LRCH4: variants seen among roughly 807,000 people sequenced by gnomAD.
LRCH4 encodes leucine rich repeats and calponin homology domain containing 4, also known as leucine-rich repeat and calponin homology domain-containing protein 4.
In LRCH4, 56 loss-of-function variants were observed where a neutral mutation model predicts 81.2. The observed-to-expected ratio is 0.69, with a 90% CI of 0.56 to 0.86. LRCH4 has a LOEUF of 0.86. Among genes scored for constraint, LRCH4 ranks in the 40% least tolerant of loss-of-function variants. The probability of loss-of-function intolerance (pLI) is 0.00; values close to 1 mark genes in which losing one functional copy is unlikely to be tolerated. For missense variants in LRCH4, 895 were observed against 922.8 expected (o/e 0.97, Z 0.39); for synonymous variants, 442 against 409.7 (o/e 1.08, Z -0.95).
rs1801387911 is a variant in LRCH4, at chr7:100,577,080, A to G, written c.1364+6T>C. 3 of 1,614,034 alleles carry G rather than the reference A, an allele frequency of 1.9e-6. No homozygotes were observed. The East Asian group carries it at 6.7e-5, about 36-fold the overall frequency. On this transcript the variant is annotated splice_donor_region_variant and intron_variant, in intron 12 of 17. Coordinates refer to ENST00000310300, the MANE Select transcript of LRCH4 (RefSeq NM_002319.5). This position sits in a 1 kb window ranked among gnomAD's most constrained non-coding sequence, Gnocchi z 6.7. ...AGTGGGGAGGGGATGCTGGCAGGAA[A>G]CCTACTTGTGCATGGCTTGAGTGGA...
In LRCH4 at chr7:100,582,521, T is replaced by TCCCC. The variant is rs368691571; in HGVS notation, c.221-66_221-63dup. On this transcript the variant is annotated intron_variant, in intron 1 of 17. Transcript: ENST00000310300. The surrounding 1 kb of genome is among the most constrained non-coding windows in gnomAD (Gnocchi z 5.0). ...GGCCCAGCCCGGACAGGACCTTCAG[T>TCCCC]CCCCCCAGAGCCGGCTGCCCACTCC... is the stretch of plus-strand genomic sequence containing the variant. 154 of 1,545,738 alleles carry TCCCC rather than the reference T, an allele frequency of 1.0e-4. No homozygotes were observed. The African/African-American group carries it at 1.9e-3, about 20-fold the overall frequency.
At position 100,578,285 on chromosome 7, in the gene LRCH4, A is replaced by G; in HGVS notation, c.849-27T>C. The G allele has an allele frequency of 6.2e-7, 1 of 1,605,218 alleles. No individual in the cohort carries two copies. The highest frequency in any genetic ancestry group is 8.5e-7 in the Non-Finnish European group (1 of 1,171,868). ...TGGGGCCAGCCAGGCGGATCTGGTC[A>G]GCCTGATGCTGGACAACAGCCCCCC... is the stretch of plus-strand genomic sequence containing the variant. On this transcript the variant is annotated intron_variant, in intron 6 of 17. Transcript: ENST00000310300. This position sits in a 1 kb window ranked among gnomAD's most constrained non-coding sequence, Gnocchi z 5.7.
chr7:100,581,590 A>C lies in LRCH4; in HGVS notation c.598+187T>G. ...CACAAGGAGCCGGCAGTCTGCAGCC[A>C]GGAAAAGCACCCTGCCAGAAGCTGA... On this transcript the variant is annotated intron_variant, in intron 4 of 17. Transcript: ENST00000310300. The C allele has an allele frequency of 5.3e-6, 3 of 566,280 alleles. No homozygotes were observed. The South Asian group carries it at 6.6e-5, about 13-fold the overall frequency. 35.1% of individuals were successfully genotyped at this position (566,280 alleles called of 1,614,324 possible).
In LRCH4 at chr7:100,577,564, G is replaced by T. The variant is rs771868862; in HGVS notation, c.1117-6C>A. ...AATTCGGGTGGTCGCTGCTCCTAAGGAGAGAACAGCAGAGCAGCTGAGGGC... is the reference window on the plus strand; with the variant it reads ...AATTCGGGTGGTCGCTGCTCCTAAGTAGAGAACAGCAGAGCAGCTGAGGGC... On this transcript the variant is annotated splice_region_variant and splice_polypyrimidine_tract_variant and intron_variant, in intron 9 of 17. Transcript: ENST00000310300. The surrounding 1 kb of genome is among the most constrained non-coding windows in gnomAD (Gnocchi z 6.7). 1.2e-6 allele frequency: 2 copies of T among 1,611,102 alleles called. No individual in the cohort carries two copies. Among genetic ancestry groups the T allele is most frequent in the Admixed American group, 3.3e-5 (2 of 60,014 alleles).
At position 100,578,106 on chromosome 7, in the gene LRCH4, G is replaced by A. The variant is rs763214992; in HGVS notation, c.948+53C>T. On this transcript the variant is annotated intron_variant, in intron 7 of 17. Transcript: ENST00000310300. This position sits in a 1 kb window ranked among gnomAD's most constrained non-coding sequence, Gnocchi z 5.7. Reference sequence around the variant, plus strand: ...GCAATTTGGAGGTCCCCAGTTCAGAGGTGCTCTCCCAGGGCTGACACCCTC... The same window carrying A: ...GCAATTTGGAGGTCCCCAGTTCAGAAGTGCTCTCCCAGGGCTGACACCCTC... 3 of 1,565,304 alleles carry A rather than the reference G, an allele frequency of 1.9e-6. No homozygotes were observed.
At chr7:100,584,279 A>G (rs1164548372) in intron 1 of LRCH4, 1 of 455,594 alleles carries the variant, frequency 2.2e-6, no homozygotes, top group Non-Finnish European at 4.4e-6. Flanking sequence ...AGAATTCTGG[A>G]CAAGAGGGAC....
intron 14 of LRCH4, 116 bp from the exon 15 acceptor site, chr7:100,576,439 T>C: frequency 4.0e-6 from 3 of 743,128 alleles, no homozygotes; most frequent in Non-Finnish European, 6.8e-6. Flanking sequence ...GATTTTTTTT[T>C]ATTTCATGGA....
In LRCH4 at chr7:100,575,937, C is replaced by T. The variant is rs776035296; in HGVS notation, c.1710G>A (p.Leu570=). 1.9e-6 allele frequency: 3 copies of T among 1,611,296 alleles called. No homozygotes were observed. Among genetic ancestry groups the T allele is most frequent in the South Asian group, 1.1e-5 (1 of 90,892 alleles). Residue 570 remains leucine, a synonymous_variant, in exon 16 of 18, where the codon CTG becomes CTA. Coordinates refer to ENST00000310300, the MANE Select transcript of LRCH4 (RefSeq NM_002319.5). This position sits in a 1 kb window ranked among gnomAD's most constrained non-coding sequence, Gnocchi z 5.3. ...LAEALASGVI[L]CQLANQLRPR... ...GCCGTAGCTGGTTGGCCAGCTGGCACAGGATGACCCCACTGGCCAGAGCCT... is the reference window on the plus strand; with the variant it reads ...GCCGTAGCTGGTTGGCCAGCTGGCATAGGATGACCCCACTGGCCAGAGCCT...
Position 100,582,061 on chromosome 7 carries a change from G to C in LRCH4, c.472C>G (p.Leu158Val), listed in dbSNP as rs1801576371. Residue 158 changes from leucine (L) to valine (V), a missense_variant, in exon 3 of 18, where the codon CTG becomes GTG. Leu to Val is a conservative substitution (Grantham distance 32). Coordinates refer to ENST00000310300, the MANE Select transcript of LRCH4 (RefSeq NM_002319.5). This position sits in a 1 kb window ranked among gnomAD's most constrained non-coding sequence, Gnocchi z 5.0. Reference sequence around the variant, plus strand: ...CTCACAAGCTGTCGCAGGCTTCCCAGGGTGCCGATGTCAGGGGGCAGGGCT... The same window carrying C: ...CTCACAAGCTGTCGCAGGCTTCCCACGGTGCCGATGTCAGGGGGCAGGGCT... ...LGALPPDIGT[L>V]GSLRQLDVSS... The C allele has an allele frequency of 1.2e-6, 2 of 1,610,584 alleles. No individual in the cohort carries two copies. Among genetic ancestry groups the C allele is most frequent in the Non-Finnish European group, 8.5e-7 (1 of 1,179,156 alleles).
rs143854306 is a variant in LRCH4 at position 100,584,310 on chromosome 7, G to C, written c.220+1571C>G. ...GGGACCCCACTTGGCCTAGAACCTG[G>C]GCCCTGTGTAGAGAGTGGGGCAGAG... On this transcript the variant is annotated intron_variant, in intron 1 of 17. Coordinates refer to ENST00000310300, the MANE Select transcript of LRCH4 (RefSeq NM_002319.5). 2.2e-3 allele frequency: 988 copies of C among 449,904 alleles called. 8 individuals are homozygous for C. The highest frequency in any genetic ancestry group is 0.018 in the African/African-American group (905 of 50,010). 27.9% of individuals were successfully genotyped at this position (449,904 alleles called of 1,614,324 possible). A position where few individuals can be genotyped will look rare whatever the true frequency, so the allele number is the denominator to read the frequency against.
At position 100,576,693 on chromosome 7, in the gene LRCH4, C is replaced by G; in HGVS notation, c.1552+1G>C. The G allele has an allele frequency of 6.3e-7, 1 of 1,585,626 alleles. No homozygotes were observed. Among genetic ancestry groups the G allele is most frequent in the Non-Finnish European group, 8.6e-7 (1 of 1,165,862 alleles). Reference sequence around the variant, plus strand: ...AGCACTGGGGAGGGCAGGACACCCACCTGAGCCACTCTGAGAGGAGGAACG... The same window carrying G: ...AGCACTGGGGAGGGCAGGACACCCAGCTGAGCCACTCTGAGAGGAGGAACG... On this transcript the variant is annotated splice_donor_variant, in intron 14 of 17. Coordinates refer to ENST00000310300, the MANE Select transcript of LRCH4 (RefSeq NM_002319.5). LOFTEE classifies it high-confidence loss of function.
Position 100,585,918 on chromosome 7 carries a change from C to A in LRCH4, c.183G>T (p.Ala61=). The change falls in exon 1 of 18, where the codon GCG becomes GCT. Residue 61 remains alanine, a synonymous_variant. Transcript: ENST00000310300. ...NRRLKHFPRG[A]ARSYDLSDIT... ...TGTCTGACAGGTCGTAGCTACGGGC[C>A]GCGCCCCGGGGGAAGTGCTTCAAGC... The A allele has an allele frequency of 6.2e-7, 1 of 1,611,508 alleles. No homozygotes were observed. The highest frequency in any genetic ancestry group is 8.5e-7 in the Non-Finnish European group (1 of 1,178,740).
At position 100,578,739 on chromosome 7, in the gene LRCH4, C is replaced by T. The variant is rs52833865; in HGVS notation, c.646G>A (p.Val216Ile). Residue 216 changes from valine to isoleucine, a missense_variant, in exon 5 of 18, where the codon GTC becomes ATC. Physicochemically the swap from Val to Ile is conservative, Grantham distance 29. Coordinates refer to ENST00000310300, the MANE Select transcript of LRCH4 (RefSeq NM_002319.5). The surrounding 1 kb of genome is among the most constrained non-coding windows in gnomAD (Gnocchi z 5.7). The stretch of plus-strand genomic sequence containing the variant: ...CAGAAGGAGACTGGGATTCGGGAGA[C>T]GCGGTTACAGGAGAAATCCAGGCGG... ...LVRLDFSCNR[V>I]SRIPVSFCRL... 8.0e-3 allele frequency: 12,899 copies of T among 1,614,010 alleles called. 78 individuals carry two copies. Among genetic ancestry groups the T allele is most frequent in the Middle Eastern group, 0.019 (111 of 5,988 alleles).
chr7:100,575,552 G>A lies in LRCH4; in HGVS notation c.1854+153C>T, dbSNP rs754528095. ...AGGACAGGTGACATGCAGGGCAGGGGGCATGCAGGGCAGGGGGCATGCTGG... is the reference window on the plus strand; with the variant it reads ...AGGACAGGTGACATGCAGGGCAGGGAGCATGCAGGGCAGGGGGCATGCTGG... On this transcript the variant is annotated intron_variant, in intron 17 of 17. Transcript: ENST00000310300. The surrounding 1 kb of genome is among the most constrained non-coding windows in gnomAD (Gnocchi z 5.3). 2.0e-5 allele frequency: 19 copies of A among 964,452 alleles called. No homozygotes were observed. Among genetic ancestry groups the A allele is most frequent in the East Asian group, 4.8e-5 (2 of 41,926 alleles). 59.7% of individuals were successfully genotyped at this position (964,452 alleles called of 1,614,324 possible). A position where few individuals can be genotyped will look rare whatever the true frequency, so the allele number is the denominator to read the frequency against.
chr7:100,576,186 A>G, intron 15 of LRCH4, 52 bp downstream of exon 15: 2 of 1,577,760 alleles, frequency 1.3e-6, no homozygotes, highest in Non-Finnish European at 1.7e-6. Flanking sequence ...ACAGCAACAC[A>G]AGGAGGTGCC....
At position 100,578,762 on chromosome 7, in the gene LRCH4, C is replaced by T. The variant is rs539637465; in HGVS notation, c.623G>A (p.Arg208His). Residue 208 changes from arginine (R) to histidine (H), a missense_variant, in exon 5 of 18, where the codon CGC becomes CAC. Transcript: ENST00000310300. The surrounding 1 kb of genome is among the most constrained non-coding windows in gnomAD (Gnocchi z 5.7). ...PEELGDLPLV[R>H]LDFSCNRVSR... ...GACGCGGTTACAGGAGAAATCCAGG[C>T]GGACCAGAGGGAGGTCCCCCAGCTC... 29 of 1,613,746 alleles carry T rather than the reference C, an allele frequency of 1.8e-5. No homozygotes were observed. Among genetic ancestry groups the T allele is most frequent in the East Asian group, 1.6e-4 (7 of 44,878 alleles).
At chr7:100,576,112 T>C in intron 15 of LRCH4, 104 bp from the exon 16 acceptor site, 1 of 1,484,776 alleles carries the variant, frequency 6.7e-7, no homozygotes, top group Admixed American at 1.9e-5. Flanking sequence ...TGCCTGTCCC[T>C]TCCTGTCCTC....
At position 100,585,925 on chromosome 7, in the gene LRCH4, C is replaced by T. The variant is rs753407580; in HGVS notation, c.176G>A (p.Arg59Gln). 1.1e-5 allele frequency: 18 copies of T among 1,611,682 alleles called. No homozygotes were observed. In the South Asian group the frequency reaches 1.4e-4, roughly 13 times the overall value. The change falls in exon 1 of 18, where the codon CGG becomes CAG. Residue 59 changes from arginine (R) to glutamine (Q), a missense_variant. Arg to Gln is a conservative substitution (Grantham distance 43, BLOSUM62 1). Coordinates refer to ENST00000310300, the MANE Select transcript of LRCH4 (RefSeq NM_002319.5). ...LSNRRLKHFP[R>Q]GAARSYDLSD... is the part of the protein sequence containing the mutation. ...CAGGTCGTAGCTACGGGCCGCGCCC[C>T]GGGGGAAGTGCTTCAAGCGCCGGTT...
At position 100,582,267 on chromosome 7, in the gene LRCH4, A is replaced by G. The variant is rs755150935; in HGVS notation, c.365+48T>C. On this transcript the variant is annotated intron_variant, in intron 2 of 17. Coordinates refer to ENST00000310300, the MANE Select transcript of LRCH4 (RefSeq NM_002319.5). This position sits in a 1 kb window ranked among gnomAD's most constrained non-coding sequence, Gnocchi z 5.0. Reference sequence around the variant, plus strand: ...TGGGTGGGTCACTCAGTAGTACTTGAGACTGAGAAGCACACGCTCCCACGT... The same window carrying G: ...TGGGTGGGTCACTCAGTAGTACTTGGGACTGAGAAGCACACGCTCCCACGT... 21 of 1,613,652 alleles carry G rather than the reference A, an allele frequency of 1.3e-5. No homozygotes were observed. The Middle Eastern group carries it at 2.5e-3, about 190-fold the overall frequency.
Sources: allele counts gnomAD v4.1 joint callset, GRCh38; gene constraint gnomAD v4.1.1; non-coding constraint Gnocchi (gnomAD v3.1); transcripts MANE v1.5; gene names NCBI Gene and HGNC (gene_info 2026-07-23, HGNC 2026-07-21).